Variants in DPYS observed in about 807,000 individuals in gnomAD.
DPYS encodes dihydropyrimidinase.
A neutral mutation model predicts 50.3 loss-of-function variants in DPYS; 39 were observed. The observed-to-expected ratio is 0.78, with a 90% CI of 0.60 to 1.01. DPYS has a LOEUF of 1.01. Among genes scored for constraint, DPYS ranks in the 50% least tolerant of loss-of-function variants. DPYS has a pLI of 0.00. For missense variants in DPYS, 659 were observed against 680.9 expected, an observed-to-expected ratio of 0.97 and a Z score of 0.36; for synonymous variants, 245 against 250.7, an observed-to-expected ratio of 0.98 and a Z score of 0.22.
At chr8:104,402,539 G>A (rs1811855212) in intron 7 of DPYS, among the ~76,000 whole-genome samples, 1 of 152,144 alleles carries the variant, frequency 6.6e-6, no homozygotes, top group South Asian at 2.1e-4. Context: ...GTGTGGACTT[G>A]GTCTTATAAT....
intron 2 of DPYS, among the ~76,000 whole-genome samples, chr8:104,448,244 C>T (rs1813611466): frequency 6.6e-6 from 1 of 151,928 alleles, no homozygotes; most frequent in Non-Finnish European, 1.5e-5. Flanking sequence ...CAACCTCCAC[C>T]TCCCAGATTC....
In DPYS at chr8:104,381,184, C is replaced by T. The variant is rs372257678; in HGVS notation, c.*14G>A. On this transcript the variant is annotated splice_region_variant and 3_prime_UTR_variant, in exon 9 of 10. Transcript: ENST00000351513. ...ACTTTTCTTGCCTACAGTCCCTTAC[C>T]GATGGCACACACTTCAGGGGTGGGC... 40 of 1,610,228 alleles carry T rather than the reference C, an allele frequency of 2.5e-5. 1 individual carries two copies. The East Asian group carries it at 4.5e-4, about 18-fold the overall frequency.
intron 7 of DPYS, among the ~76,000 whole-genome samples, chr8:104,416,115 C>T (rs12548603): frequency 0.69 from 105,529 of 152,098 alleles, 37,292 homozygotes; most frequent in African/African-American, 0.8. Context: ...CCCAAGGTCA[C>T]ACCCAGCTCA....
chr8:104,426,869 A>G (rs1184857782), intron 6 of DPYS, among the ~76,000 whole-genome samples: 1 of 152,188 alleles, frequency 6.6e-6, no homozygotes, highest in Non-Finnish European at 1.5e-5. Context: ...GACTTCATAT[A>G]GCAATTTTAA....
chr8:104,452,822 C>CAG (rs1813796097), intron 1 of DPYS, among the ~76,000 whole-genome samples: 1 of 152,168 alleles, frequency 6.6e-6, no homozygotes, highest in Non-Finnish European at 1.5e-5. Flanking sequence ...GCCTGGGCAA[C>CAG]AGAGAGAGAC....
At chr8:104,442,477 G>A (rs995900970) in intron 4 of DPYS, among the ~76,000 whole-genome samples, 2 of 152,146 alleles carry the variant, frequency 1.3e-5, no homozygotes, top group Non-Finnish European at 2.9e-5. Flanking sequence ...ATTATAGACC[G>A]ACTCATCTCA....
At chr8:104,420,839 A>T (rs575248661) in intron 7 of DPYS, 2 of 152,206 alleles carry the variant, frequency 1.3e-5, no homozygotes, top group African/African-American at 4.8e-5. Flanking sequence ...AGCTAAGAAC[A>T]TCTAAAAATG....
At chr8:104,385,281 A>T (rs1424807200) in intron 8 of DPYS, among the ~76,000 whole-genome samples, 2 of 152,164 alleles carry the variant, frequency 1.3e-5, no homozygotes, top group African/African-American at 2.4e-5. Flanking sequence ...GTGCCTGGTG[A>T]TCTACAAACA....
At position 104,466,797 on chromosome 8, in the gene DPYS, G is replaced by C. The variant is rs1392770679; in HGVS notation, c.124C>G (p.Pro42Ala). 3 of 1,534,288 alleles carry C rather than the reference G, an allele frequency of 2.0e-6. No homozygotes were observed. The highest frequency in any genetic ancestry group is 1.4e-5 in the African/African-American group (1 of 72,646). ...VRALGHDLLP[P>A]GGAPAGLRVL... The stretch of plus-strand genomic sequence containing the variant: ...CGCAGCCCCGCAGGAGCGCCCCCGG[G>C]AGGCAGCAGGTCGTGCCCGAGTGCC... The change falls in exon 1 of 10, where the codon CCC becomes GCC. Residue 42 changes from proline (P) to alanine (A), a missense_variant. Pro to Ala is a conservative substitution (Grantham distance 27). Transcript: ENST00000351513.
chr8:104,446,527 A>G (rs1813536321), intron 3 of DPYS, among the ~76,000 whole-genome samples: 1 of 152,256 alleles, frequency 6.6e-6, no homozygotes, highest in African/African-American at 2.4e-5. Flanking sequence ...TTCCTTACAA[A>G]AAGAGCATGC....
At chr8:104,389,477 C>A (rs947536711) in intron 8 of DPYS, among the ~76,000 whole-genome samples, 2 of 151,968 alleles carry the variant, frequency 1.3e-5, no homozygotes, top group African/African-American at 4.8e-5. Context: ...TTTTCCACAC[C>A]AACATTTTTT....
At chr8:104,449,636 C>T (rs4734796) in intron 2 of DPYS, among the ~76,000 whole-genome samples, 7,510 of 152,274 alleles carry the variant, frequency 0.049, 199 homozygotes, top group Middle Eastern at 0.12. Flanking sequence ...TGCGCTTTAT[C>T]CAATGTAACT....
intron 7 of DPYS, among the ~76,000 whole-genome samples, chr8:104,405,961 ACATATATCAACTCT>A (rs1354815708): frequency 6.6e-6 from 1 of 152,246 alleles, no homozygotes; most frequent in Non-Finnish European, 1.5e-5. Context: ...CAAAGAATTC[ACATATATCAACTCT>A]CAGCCTTTGA....
At chr8:104,427,583 C>T (rs1588435271) in intron 6 of DPYS, among the ~76,000 whole-genome samples, 1 of 151,906 alleles carries the variant, frequency 6.6e-6, no homozygotes, top group African/African-American at 2.4e-5. Flanking sequence ...CCTGCCCCTT[C>T]GTGTATTTTT....
At chr8:104,423,639 T>C (rs1462836865) in intron 7 of DPYS, among the ~76,000 whole-genome samples, 1 of 152,208 alleles carries the variant, frequency 6.6e-6, no homozygotes, top group African/African-American at 2.4e-5. Flanking sequence ...CTGCAGGTGT[T>C]GCCTGTACTA....
chr8:104,390,130 T>G (rs1811342724), intron 8 of DPYS, among the ~76,000 whole-genome samples: 2 of 152,240 alleles, frequency 1.3e-5, no homozygotes, highest in Non-Finnish European at 2.9e-5. Flanking sequence ...AGATTGGCCC[T>G]ACCTTGGATC....
intron 4 of DPYS, among the ~76,000 whole-genome samples, chr8:104,435,020 A>G (rs1813087424): frequency 6.6e-6 from 1 of 152,200 alleles, no homozygotes; most frequent in Non-Finnish European, 1.5e-5. Context: ...ACCATTCTAA[A>G]CAAATCACAG....
At chr8:104,386,155 A>C (rs770056036) in intron 8 of DPYS, among the ~76,000 whole-genome samples, 19 of 152,248 alleles carry the variant, frequency 1.2e-4, no homozygotes, top group Non-Finnish European at 2.4e-4. Context: ...CATTAATTCC[A>C]ATTATCATTA....
At chr8:104,425,547 G>A (rs1300225569) in intron 6 of DPYS, among the ~76,000 whole-genome samples, 2 of 151,748 alleles carry the variant, frequency 1.3e-5, no homozygotes, top group Non-Finnish European at 1.5e-5. Flanking sequence ...CTAACACTTC[G>A]GGAGGCCGAG....
Sources: allele counts gnomAD v4.1 joint callset (sites outside exome capture counted in the v4.1 genomes callset), GRCh38; gene constraint gnomAD v4.1.1; transcripts MANE v1.5; gene names NCBI Gene and HGNC (gene_info 2026-07-23, HGNC 2026-07-21).